The following CAST variants were observed in gnomAD, a reference collection of about 807,000 sequenced individuals.
CAST encodes the protein calpastatin.
CAST carries 76 observed loss-of-function variants against 119.6 expected under a neutral mutation model. The ratio of observed to expected loss-of-function variants is 0.64; its 90% confidence interval spans 0.53 to 0.77. The LOEUF (loss-of-function observed/expected upper bound fraction) is 0.77, where lower values mean the gene tolerates loss of function less well. Ranked by LOEUF, CAST falls within the 30% of genes least tolerant of loss-of-function variation. CAST has a pLI of 0.00. For missense variants in CAST, 953 were observed against 946.5 expected, an observed-to-expected ratio of 1.01 and a Z score of -0.09; for synonymous variants, 319 against 331.6, an observed-to-expected ratio of 0.96 and a Z score of 0.41.
chr5:96,010,034 G>A, the CAST span, among the ~76,000 whole-genome samples: 5 of 152,190 alleles, frequency 3.3e-5, no homozygotes, highest in Non-Finnish European at 7.4e-5. Flanking sequence ...TCCCGGCACC[G>A]TTTATTGAAT....
chr5:96,754,181 T>A lies in CAST; in HGVS notation c.1626+20T>A. ...GTCAAGGTAATGGCAACTGAGATGC[T>A]TCTGGAAAATAAATATCATTGATCA... is the stretch of plus-strand genomic sequence containing the variant. On this transcript the variant is annotated intron_variant, in intron 21 of 31. Transcript: ENST00000675179. 7.3e-7 allele frequency: 1 copy of A among 1,360,954 alleles called. No homozygotes were observed. The highest frequency in any genetic ancestry group is 1.1e-6 in the Non-Finnish European group (1 of 949,050). The allele number at this position is 1,360,954 out of a possible 1,614,324, so 84.3% of individuals were successfully genotyped here.
the CAST span, among the ~76,000 whole-genome samples, chr5:95,991,497 G>GTTTTTTTTTTTTT: frequency 1.5e-5 from 1 of 64,958 alleles, no homozygotes; most frequent in Non-Finnish European, 2.8e-5. Context: ...AACAAGTTTT[G>GTTTTTTTTTTTTT]TTTTTTTTTT....
chr5:96,139,401 T>A, the CAST span, among the ~76,000 whole-genome samples: 3 of 151,592 alleles, frequency 2.0e-5, no homozygotes, highest in Non-Finnish European at 4.4e-5. Flanking sequence ...ACTTACTAGT[T>A]ACCTAATCTT....
the CAST span, among the ~76,000 whole-genome samples, chr5:96,274,144 T>C: frequency 6.6e-6 from 1 of 151,174 alleles, no homozygotes; most frequent in South Asian, 2.1e-4. Flanking sequence ...CTCTGACGCC[T>C]AGGTTGGAGT....
chr5:96,118,728 G>A, the CAST span, among the ~76,000 whole-genome samples: 2 of 151,544 alleles, frequency 1.3e-5, no homozygotes, highest in Non-Finnish European at 2.9e-5. Flanking sequence ...CTAGGAAGGT[G>A]GGCTGAGGAA....
intron 1 of CAST, among the ~76,000 whole-genome samples, chr5:96,590,367 T>C (rs1746941470): frequency 6.6e-6 from 1 of 152,200 alleles, no homozygotes. Context: ...AGTTTTCCAA[T>C]GTATGTGCTA....
the CAST span, among the ~76,000 whole-genome samples, chr5:96,250,997 ATACAAAGGTACGAAGG>A: frequency 6.6e-6 from 1 of 152,206 alleles, no homozygotes; most frequent in Non-Finnish European, 1.5e-5. Context: ...AGGTACAGAG[ATACAAAGGTACGAAGG>A]TACAAAGGTA....
intron 1 of CAST, among the ~76,000 whole-genome samples, chr5:96,635,467 C>A (rs1747874684): frequency 6.6e-6 from 1 of 152,184 alleles, no homozygotes; most frequent in African/African-American, 2.4e-5. Context: ...GAATGGCTGA[C>A]TCCATCTCTC....
chr5:96,702,754 G>A (rs926742865), intron 3 of CAST: 33 of 984,926 alleles, frequency 3.4e-5, no homozygotes, highest in Non-Finnish European at 3.9e-5. Context: ...GGGCAGGGGG[G>A]CGGGGAGCAT....
chr5:96,121,231 G>A, the CAST span, among the ~76,000 whole-genome samples: 1 of 152,118 alleles, frequency 6.6e-6, no homozygotes, highest in African/African-American at 2.4e-5. Context: ...TTAATTTGTT[G>A]AATAAATGAT....
At chr5:96,247,028 A>C in the CAST span, among the ~76,000 whole-genome samples, 1 of 152,210 alleles carries the variant, frequency 6.6e-6, no homozygotes, top group Non-Finnish European at 1.5e-5. Context: ...ACAATATATC[A>C]AGAAAGTCAT....
chr5:96,753,345 A>T (rs757442134), intron 20 of CAST, among the ~76,000 whole-genome samples: 14 of 152,236 alleles, frequency 9.2e-5, no homozygotes, highest in South Asian at 4.1e-4. Flanking sequence ...TGAACCATTA[A>T]GTTGATTCTT....
At chr5:96,383,644 C>T in the CAST span, among the ~76,000 whole-genome samples, 2 of 152,166 alleles carry the variant, frequency 1.3e-5, no homozygotes, top group African/African-American at 4.8e-5. Context: ...GATGAGGTTT[C>T]ACCATGTTGG....
the CAST span, chr5:96,429,109 TAA>T: frequency 3.3e-6 from 2 of 604,530 alleles, no homozygotes; most frequent in Non-Finnish European, 5.9e-6. Flanking sequence ...TTGGTCACAA[TAA>T]AAAAAAAACC....
the CAST span, among the ~76,000 whole-genome samples, chr5:96,101,362 C>T: frequency 6.6e-6 from 1 of 152,342 alleles, no homozygotes; most frequent in Non-Finnish European, 1.5e-5. Flanking sequence ...TGAGACAACA[C>T]ATGTGAGATA....
intron 1 of CAST, among the ~76,000 whole-genome samples, chr5:96,655,109 G>A (rs771440873): frequency 7.2e-5 from 11 of 152,102 alleles, no homozygotes; most frequent in Non-Finnish European, 1.3e-4. Flanking sequence ...CAATAAATAT[G>A]GAATAGAAAC....
At chr5:96,477,065 A>AACAC in the CAST span, among the ~76,000 whole-genome samples, 1,832 of 136,660 alleles carry the variant, frequency 0.013, 16 homozygotes, top group South Asian at 0.026. Context: ...AATGTGCCAA[A>AACAC]ACACACACAC....
chr5:96,028,913 T>C, the CAST span, among the ~76,000 whole-genome samples: 11 of 152,280 alleles, frequency 7.2e-5, no homozygotes, highest in East Asian at 2.1e-3. Flanking sequence ...GGTGATAACA[T>C]GGTGGATAAC....
At chr5:96,265,129 T>G in the CAST span, among the ~76,000 whole-genome samples, 1 of 152,146 alleles carries the variant, frequency 6.6e-6, no homozygotes, top group Admixed American at 6.5e-5. Context: ...TGTACCAAGT[T>G]TCCTTTCTAC....
Sources: allele counts gnomAD v4.1 joint callset (sites outside exome capture counted in the v4.1 genomes callset), GRCh38; gene constraint gnomAD v4.1.1; transcripts MANE v1.5; gene names NCBI Gene and HGNC (gene_info 2026-07-23, HGNC 2026-07-21).